Variants in CCDC171 observed in about 807,000 individuals in gnomAD.
The protein encoded by CCDC171 is coiled-coil domain containing 171.
Under a neutral mutation model 168.2 loss-of-function variants are expected in CCDC171, and 177 were observed. That is an observed-to-expected ratio of 1.05 (90% CI 0.93 to 1.19). CCDC171 has a LOEUF of 1.19. Among genes scored for constraint, CCDC171 ranks in the 50% most tolerant of loss-of-function variants. CCDC171 has a pLI of 0.00. For missense variants in CCDC171, 1,991 were observed against 1,539.0 expected (o/e 1.29, Z -4.91); for synonymous variants, 687 against 540.8 (o/e 1.27, Z -3.75).
chr9:15,741,780 T>A lies in CCDC171; in HGVS notation c.2050-2493T>A, dbSNP rs147340746. On this transcript the variant is annotated intron_variant, in intron 16 of 25. Transcript: ENST00000380701. ...CTACTTGCTTTTTGTTGCCTAGTTG[T>A]ACTGGCTAATAACACACCAAATACA... Among the ~76,000 whole-genome samples the A allele has an allele frequency of 2.7e-3, 405 of 152,322 alleles. 2 individuals carry two copies. Among genetic ancestry groups the A allele is most frequent in the African/African-American group, 9.1e-3 (380 of 41,578 alleles).
At chr9:15,634,208 C>CA (rs975192972) in intron 7 of CCDC171, among the ~76,000 whole-genome samples, 7 of 149,348 alleles carry the variant, frequency 4.7e-5, no homozygotes, top group Middle Eastern at 3.5e-3. Context: ...CCCAAACACA[C>CA]AAAAAAAAGA....
intron 3 of CCDC171, among the ~76,000 whole-genome samples, chr9:15,572,113 T>C (rs900407084): frequency 1.3e-5 from 2 of 152,196 alleles, no homozygotes; most frequent in African/African-American, 2.4e-5. Context: ...GCAATCTCTT[T>C]AAGTAAATTT....
intron 25 of CCDC171, among the ~76,000 whole-genome samples, chr9:15,929,609 T>A (rs541525141): frequency 6.6e-6 from 1 of 151,914 alleles, no homozygotes; most frequent in East Asian, 1.9e-4. Flanking sequence ...CCACCACAGA[T>A]CTCTTAGACC....
At chr9:15,806,352 G>A (rs113697613) in intron 21 of CCDC171, among the ~76,000 whole-genome samples, 4 of 152,236 alleles carry the variant, frequency 2.6e-5, no homozygotes, top group African/African-American at 9.6e-5. Flanking sequence ...ACTTCAGTGT[G>A]TTTTTGTAGT....
At chr9:15,712,039 G>C (rs1000694388) in intron 11 of CCDC171, among the ~76,000 whole-genome samples, 1 of 152,186 alleles carries the variant, frequency 6.6e-6, no homozygotes, top group African/African-American at 2.4e-5. Flanking sequence ...AGCTGATGAT[G>C]TAAGCTCTGG....
chr9:15,573,182 A>T (rs1310259060), intron 3 of CCDC171, among the ~76,000 whole-genome samples: 3 of 152,174 alleles, frequency 2.0e-5, no homozygotes, highest in Non-Finnish European at 4.4e-5. Context: ...AGGATATCTA[A>T]GGAGCAGTGG....
chr9:15,724,813 TAA>T lies in CCDC171; in HGVS notation c.1530_1531del (p.His512PhefsTer4). ...AAACTGGCTGATGTTAATAAAGAGT[TAA>T]GTCATTTACACACTAAATGTGCAGA... On this transcript the variant is annotated frameshift_variant, in exon 14 of 26. Transcript: ENST00000380701. LOFTEE classifies it high-confidence loss of function. 6.2e-7 allele frequency: 1 copy of T among 1,613,760 alleles called. No homozygotes were observed. The highest frequency in any genetic ancestry group is 1.7e-4 in the Middle Eastern group (1 of 6,042).
chr9:16,074,244 T>C, the CCDC171 span, among the ~76,000 whole-genome samples: 12 of 152,212 alleles, frequency 7.9e-5, no homozygotes, highest in Non-Finnish European at 1.6e-4. Context: ...TTAAGCTGCA[T>C]GTTTATCTCC....
intron 3 of CCDC171, among the ~76,000 whole-genome samples, chr9:15,995,771 C>T (rs1055827188): frequency 6.6e-6 from 1 of 152,208 alleles, no homozygotes; most frequent in African/African-American, 2.4e-5. Context: ...TAAATGTCTG[C>T]AACCGGTCTG....
intron 11 of CCDC171, among the ~76,000 whole-genome samples, chr9:15,705,194 T>C (rs1345634826): frequency 1.3e-5 from 2 of 152,038 alleles, no homozygotes; most frequent in African/African-American, 4.8e-5. Flanking sequence ...CATTTCATAG[T>C]GTATATGGAT....
intron 1 of CCDC171, among the ~76,000 whole-genome samples, chr9:15,562,662 A>G (rs986412559): frequency 6.6e-6 from 1 of 152,300 alleles, no homozygotes; most frequent in African/African-American, 2.4e-5. Context: ...TAAGAGGTAA[A>G]TAGAGGTCTG....
At chr9:16,008,066 A>G (rs1328618831) in intron 3 of CCDC171, among the ~76,000 whole-genome samples, 1 of 152,176 alleles carries the variant, frequency 6.6e-6, no homozygotes, top group Admixed American at 6.6e-5. Flanking sequence ...TGAAGCACAA[A>G]AGTTTTCAAC....
intron 24 of CCDC171, chr9:15,889,181 G>C (rs12005521): frequency 0.07 from 10,584 of 151,348 alleles, 844 homozygotes; most frequent in African/African-American, 0.19. Context: ...GGGTGGTCTC[G>C]AACTTCTAAC....
chr9:16,094,522 A>G, the CCDC171 span, among the ~76,000 whole-genome samples: 1 of 152,178 alleles, frequency 6.6e-6, no homozygotes. Flanking sequence ...TGTGGGTATG[A>G]GGGAGGGGCA....
intron 18 of CCDC171, among the ~76,000 whole-genome samples, chr9:15,759,937 G>A (rs187626716): frequency 2.6e-5 from 4 of 152,112 alleles, no homozygotes; most frequent in African/African-American, 4.8e-5. Context: ...GCTTTGATTT[G>A]TAATTGACTC....
At chr9:15,792,752 C>T (rs1028195095) in intron 21 of CCDC171, among the ~76,000 whole-genome samples, 1 of 152,076 alleles carries the variant, frequency 6.6e-6, no homozygotes, top group Non-Finnish European at 1.5e-5. Context: ...GAAATAAAAT[C>T]CTTTATAGAC....
chr9:15,708,412 C>CTT (rs1564257067), intron 11 of CCDC171, among the ~76,000 whole-genome samples: 2 of 152,180 alleles, frequency 1.3e-5, no homozygotes, highest in African/African-American at 2.4e-5. Flanking sequence ...TATCCTATGA[C>CTT]AGTAGACAGA....
chr9:15,711,723 C>G (rs980514608), intron 11 of CCDC171, among the ~76,000 whole-genome samples: 1 of 152,104 alleles, frequency 6.6e-6, no homozygotes, highest in Non-Finnish European at 1.5e-5. Context: ...CATTGTAAGT[C>G]GAGGAGCATA....
At chr9:15,813,274 G>T (rs1193664469) in intron 21 of CCDC171, among the ~76,000 whole-genome samples, 1 of 152,188 alleles carries the variant, frequency 6.6e-6, no homozygotes, top group Non-Finnish European at 1.5e-5. Flanking sequence ...CTGGCATAAT[G>T]CCAGACAAGT....
Sources: allele counts gnomAD v4.1 joint callset (sites outside exome capture counted in the v4.1 genomes callset), GRCh38; gene constraint gnomAD v4.1.1; transcripts MANE v1.5; gene names NCBI Gene and HGNC (gene_info 2026-07-23, HGNC 2026-07-21).